TBC1D22A: variants seen among roughly 807,000 people sequenced by gnomAD.
The protein encoded by TBC1D22A is putative GTPase activator.
In TBC1D22A, 38 loss-of-function variants were observed where a neutral mutation model predicts 60.2. The observed-to-expected ratio is 0.63, with a 90% confidence interval of 0.49 to 0.83. The LOEUF (loss-of-function observed/expected upper bound fraction) is 0.83. Ranked by LOEUF, TBC1D22A falls within the 40% of genes least tolerant of loss-of-function variation. The pLI is 0.00. For synonymous variants in TBC1D22A, 302 were observed against 281.7 expected, an observed-to-expected ratio of 1.07 and a Z score of -0.72; for missense variants, 628 against 701.0, an observed-to-expected ratio of 0.90 and a Z score of 1.18.
chr22:46,807,875 G>C (rs1011354437), intron 4 of TBC1D22A, among the ~76,000 whole-genome samples: 14 of 152,328 alleles, frequency 9.2e-5, no homozygotes. Context: ...GCCTAGGTGG[G>C]AGGATTGCTC....
intron 10 of TBC1D22A, among the ~76,000 whole-genome samples, chr22:47,001,451 G>GAAA (rs60259224): frequency 9.5e-6 from 1 of 104,980 alleles, no homozygotes. Flanking sequence ...TCTCAAAAAA[G>GAAA]AAAAAAAAAA....
chr22:46,956,126 G>A (rs1224733712), intron 8 of TBC1D22A, among the ~76,000 whole-genome samples: 3 of 152,236 alleles, frequency 2.0e-5, no homozygotes, highest in African/African-American at 4.8e-5. Context: ...GTGTGTGTGT[G>A]TGAATGTTAG....
chr22:46,886,936 G>A (rs1602318175), intron 5 of TBC1D22A, among the ~76,000 whole-genome samples: 1 of 152,302 alleles, frequency 6.6e-6, no homozygotes, highest in Admixed American at 6.5e-5. Flanking sequence ...GCTGATTCCT[G>A]TTGTAGAACA....
chr22:47,166,526 C>G (rs2068215515), intron 12 of TBC1D22A, among the ~76,000 whole-genome samples: 1 of 152,256 alleles, frequency 6.6e-6, no homozygotes, highest in Admixed American at 6.5e-5. Flanking sequence ...TTCAGACGCA[C>G]CACTCATGGC....
At position 46,856,049 on chromosome 22, in the gene TBC1D22A, T is replaced by C. The variant is rs759317105; in HGVS notation, c.638-22604T>C. Reference sequence around the variant, plus strand: ...GTGGACAGAGGGAGTCCCTCGGCAGTGCTGAGAGGCTGCCCCTTTCCTCTG... The same window carrying C: ...GTGGACAGAGGGAGTCCCTCGGCAGCGCTGAGAGGCTGCCCCTTTCCTCTG... On this transcript the variant is annotated intron_variant, in intron 4 of 12. Coordinates refer to ENST00000337137, the MANE Select transcript of TBC1D22A (RefSeq NM_014346.5). Among the ~76,000 whole-genome samples, 5 of 152,292 alleles carry C rather than the reference T, an allele frequency of 3.3e-5. No individual in the cohort carries two copies. The South Asian group carries it at 1.0e-3, about 32-fold the overall frequency.
At chr22:46,908,456 T>C (rs1466118131) in intron 7 of TBC1D22A, among the ~76,000 whole-genome samples, 10 of 152,190 alleles carry the variant, frequency 6.6e-5, no homozygotes, top group Admixed American at 6.5e-4. Flanking sequence ...CTTGCCACGT[T>C]AAAGGTCATT....
chr22:47,100,103 T>TA (rs2065351150), intron 11 of TBC1D22A, among the ~76,000 whole-genome samples: 1 of 152,212 alleles, frequency 6.6e-6, no homozygotes, highest in African/African-American at 2.4e-5. Flanking sequence ...GAAACCCAGC[T>TA]GGGTGGCTTC....
chr22:46,980,542 T>C (rs886247884), intron 9 of TBC1D22A, among the ~76,000 whole-genome samples: 7 of 152,230 alleles, frequency 4.6e-5, no homozygotes, highest in African/African-American at 1.7e-4. Flanking sequence ...TTAGAGTCAC[T>C]GAAATTTAAA....
At position 47,137,383 on chromosome 22, in the gene TBC1D22A, C is replaced by T. The variant is rs182110663; in HGVS notation, c.1425+25780C>T. On this transcript the variant is annotated intron_variant, in intron 12 of 12. Transcript: ENST00000337137. ...CAGAGTGGACACTGGAGCATGGTGG[C>T]GTCCCGGCCCTGTCATCACTGCCCC... 3.3e-3 allele frequency among the ~76,000 whole-genome samples: 503 copies of T among 152,256 alleles called. 5 individuals carry two copies. Among genetic ancestry groups the T allele is most frequent in the African/African-American group, 0.011 (477 of 41,550 alleles).
intron 4 of TBC1D22A, among the ~76,000 whole-genome samples, chr22:46,854,825 C>T (rs1325585328): frequency 3.4e-4 from 52 of 152,316 alleles, no homozygotes; most frequent in Non-Finnish European, 1.2e-4. Flanking sequence ...CTTAATCGGA[C>T]TCCTAATTAC....
intron 4 of TBC1D22A, among the ~76,000 whole-genome samples, chr22:46,876,096 C>T (rs116597746): frequency 0.01 from 1,536 of 152,260 alleles, 22 homozygotes; most frequent in African/African-American, 0.035. Context: ...AAAGTGGCGA[C>T]GTCACAGAAA....
intron 4 of TBC1D22A, among the ~76,000 whole-genome samples, chr22:46,848,032 C>G (rs192622458): frequency 6.6e-6 from 1 of 152,250 alleles, no homozygotes; most frequent in East Asian, 1.9e-4. Flanking sequence ...GATATTCTTT[C>G]TGGGTGACAT....
intron 8 of TBC1D22A, among the ~76,000 whole-genome samples, chr22:46,928,484 A>C (rs2071172818): frequency 1.3e-5 from 2 of 152,260 alleles, no homozygotes; most frequent in African/African-American, 4.8e-5. Flanking sequence ...GGAAAACATG[A>C]GGAAATCTTC....
intron 12 of TBC1D22A, among the ~76,000 whole-genome samples, chr22:47,148,553 C>T (rs2067373649): frequency 6.7e-6 from 1 of 148,690 alleles, no homozygotes; most frequent in Non-Finnish European, 1.5e-5. Context: ...AGTCCCTCCC[C>T]CGGGGTTCCT....
chr22:46,939,882 G>C (rs2071881228), intron 8 of TBC1D22A, among the ~76,000 whole-genome samples: 1 of 152,232 alleles, frequency 6.6e-6, no homozygotes, highest in African/African-American at 2.4e-5. Flanking sequence ...GAATTGGAAA[G>C]CTGGCATCAC....
At chr22:47,031,605 A>T (rs1296939925) in intron 10 of TBC1D22A, among the ~76,000 whole-genome samples, 1 of 152,198 alleles carries the variant, frequency 6.6e-6, no homozygotes, top group African/African-American at 2.4e-5. Context: ...GGGTGGGTCC[A>T]TGCTCAGCTC....
intron 11 of TBC1D22A, among the ~76,000 whole-genome samples, chr22:47,037,929 A>T (rs1480694945): frequency 6.6e-6 from 1 of 152,216 alleles, no homozygotes; most frequent in African/African-American, 2.4e-5. Context: ...TTTTTAAAAA[A>T]TCACAGATTC....
At chr22:46,978,947 T>G (rs1017585199) in intron 9 of TBC1D22A, among the ~76,000 whole-genome samples, 6 of 152,206 alleles carry the variant, frequency 3.9e-5, no homozygotes, top group Admixed American at 3.9e-4. Context: ...AATTTTGGAT[T>G]CTTTTTTCAT....
At chr22:47,015,829 G>A (rs1043492881) in intron 10 of TBC1D22A, among the ~76,000 whole-genome samples, 12 of 152,138 alleles carry the variant, frequency 7.9e-5, no homozygotes, top group Non-Finnish European at 1.5e-4. Flanking sequence ...TTGGCCTTAC[G>A]CTGCCCTATG....
Sources: gnomAD v4.1 joint callset for allele counts (sites outside exome capture counted in the v4.1 genomes callset) on GRCh38, gnomAD v4.1.1 for gene constraint, MANE v1.5 for transcripts, NCBI Gene and HGNC (gene_info 2026-07-23, HGNC 2026-07-21) for gene names.